The following ADGRB3 variants were observed in gnomAD, a reference collection of about 807,000 sequenced individuals.
The protein encoded by ADGRB3 is brain-specific angiogenesis inhibitor 3.
In ADGRB3, 37 loss-of-function variants were observed where a neutral mutation model predicts 193.4. The ratio of observed to expected loss-of-function variants is 0.19; its 90% CI spans 0.15 to 0.25. The LOEUF (loss-of-function observed/expected upper bound fraction) is 0.25, where lower values mean the gene tolerates loss of function less well. ADGRB3 is among the 10% of genes least tolerant of loss of function. ADGRB3 has a pLI of 1.00. For synonymous variants in ADGRB3, 690 were observed against 644.2 expected, an observed-to-expected ratio of 1.07 and a Z score of -1.08; for missense variants, 1,637 against 1,852.9, an observed-to-expected ratio of 0.88 and a Z score of 2.14.
At chr6:68,870,013 A>C (rs1361172527) in intron 3 of ADGRB3, among the ~76,000 whole-genome samples, 1 of 152,188 alleles carries the variant, frequency 6.6e-6, no homozygotes, top group Non-Finnish European at 1.5e-5. Context: ...TCTTGATCTC[A>C]AGTAGTCCGC....
intron 1 of ADGRB3, among the ~76,000 whole-genome samples, chr6:68,636,878 A>G (rs992690286): frequency 3.4e-5 from 5 of 148,328 alleles, no homozygotes; most frequent in Admixed American, 2.1e-4. Context: ...TTAGACACTT[A>G]TTGTCACATT....
intron 28 of ADGRB3, among the ~76,000 whole-genome samples, chr6:69,357,523 G>A (rs1379790457): frequency 1.3e-5 from 2 of 151,912 alleles, no homozygotes. Context: ...AAACCTAGTA[G>A]AGAAACCTGC....
At chr6:68,855,295 C>T (rs185102963) in intron 3 of ADGRB3, among the ~76,000 whole-genome samples, 1 of 152,182 alleles carries the variant, frequency 6.6e-6, no homozygotes, top group Middle Eastern at 3.4e-3. Flanking sequence ...CAAATATAGC[C>T]TCAAGTTATA....
chr6:69,096,163 T>C (rs1772869856), intron 17 of ADGRB3, among the ~76,000 whole-genome samples: 1 of 152,174 alleles, frequency 6.6e-6, no homozygotes, highest in African/African-American at 2.4e-5. Flanking sequence ...GTCCCTTTAG[T>C]TCATAAATGA....
chr6:68,692,766 T>C (rs1043343016), intron 3 of ADGRB3, among the ~76,000 whole-genome samples: 2 of 151,360 alleles, frequency 1.3e-5, no homozygotes, highest in Non-Finnish European at 3.0e-5. Context: ...TCTTCATCTG[T>C]AAAATTGAAT....
chr6:69,081,339 A>G (rs541755278), intron 17 of ADGRB3, among the ~76,000 whole-genome samples: 3 of 152,154 alleles, frequency 2.0e-5, no homozygotes, highest in African/African-American at 7.2e-5. Flanking sequence ...TCTCCAAAAA[A>G]TGAAATTTAT....
chr6:68,872,156 C>T (rs1269297063), intron 3 of ADGRB3, among the ~76,000 whole-genome samples: 1 of 152,036 alleles, frequency 6.6e-6, no homozygotes, highest in African/African-American at 2.4e-5. Context: ...ACCATAATTC[C>T]AAATATTGTA....
chr6:68,813,803 A>G (rs1046791665), intron 3 of ADGRB3, among the ~76,000 whole-genome samples: 18 of 152,056 alleles, frequency 1.2e-4, no homozygotes, highest in Admixed American at 4.6e-4. Context: ...GAGAACATGC[A>G]GTGTTTGGTT....
At position 68,749,397 on chromosome 6, in the gene ADGRB3, T is replaced by G. The variant is rs188300905; in HGVS notation, c.757+109965T>G. 7.6e-4 allele frequency among the ~76,000 whole-genome samples: 88 copies of G among 115,812 alleles called. 1 individual carries two copies. In the East Asian group the frequency reaches 0.019, roughly 25 times the overall value. 76.0% of individuals were successfully genotyped at this position (115,812 alleles called of 152,430 possible). On this transcript the variant is annotated intron_variant, in intron 3 of 31. Transcript: ENST00000370598. ...TTAATACTTAATAAACTCCCCTTTA[T>G]ATATATATATATGTGTGTGTGTGTG...
chr6:69,189,137 G>A (rs1765132027), intron 17 of ADGRB3, among the ~76,000 whole-genome samples: 1 of 152,066 alleles, frequency 6.6e-6, no homozygotes, highest in South Asian at 2.1e-4. Context: ...AAATGAAAAC[G>A]AAACTGAAGT....
chr6:69,350,412 C>A (rs1391777910), intron 26 of ADGRB3, among the ~76,000 whole-genome samples: 5 of 151,846 alleles, frequency 3.3e-5, no homozygotes, highest in Non-Finnish European at 7.4e-5. Context: ...GACCCTCTGC[C>A]TATCAATTCA....
chr6:68,795,819 T>C (rs998451315), intron 3 of ADGRB3, among the ~76,000 whole-genome samples: 1 of 152,170 alleles, frequency 6.6e-6, no homozygotes, highest in African/African-American at 2.4e-5. Flanking sequence ...CACAATTTCT[T>C]AATAATTATT....
Position 69,235,098 on chromosome 6 carries a change from T to C in ADGRB3, c.2674T>C (p.Leu892=). 1 of 1,612,822 alleles carries C rather than the reference T, an allele frequency of 6.2e-7. No individual in the cohort carries two copies. The highest frequency in any genetic ancestry group is 8.5e-7 in the Non-Finnish European group (1 of 1,178,920). ...AGGCAGTGGTCTTTCTTGCTTGGCC[T>C]TGATTACCCTAGCAGTTGTCTATGC... The part of the protein sequence containing the change: ...IVGSGLSCLA[L]ITLAVVYAAL... The change falls in exon 19 of 32, where the codon TTG becomes CTG. Residue 892 remains leucine, a synonymous_variant. Transcript: ENST00000370598.
At chr6:68,882,780 G>A (rs1765767862) in intron 3 of ADGRB3, among the ~76,000 whole-genome samples, 1 of 151,996 alleles carries the variant, frequency 6.6e-6, no homozygotes, top group African/African-American at 2.4e-5. Context: ...CACCTAAAAA[G>A]CCCTTCTGAA....
At chr6:69,005,251 G>A (rs1308243285) in intron 11 of ADGRB3, among the ~76,000 whole-genome samples, 4 of 151,278 alleles carry the variant, frequency 2.6e-5, no homozygotes, top group Non-Finnish European at 5.9e-5. Flanking sequence ...ACTAAAGATT[G>A]GATGACTTAT....
chr6:69,041,420 A>C (rs1236185828), intron 13 of ADGRB3, among the ~76,000 whole-genome samples: 2 of 152,138 alleles, frequency 1.3e-5, no homozygotes, highest in African/African-American at 4.8e-5. Context: ...ATAAGTGAGA[A>C]TTTTATTTCT....
At chr6:68,783,446 A>G (rs1766899711) in intron 3 of ADGRB3, among the ~76,000 whole-genome samples, 2 of 151,548 alleles carry the variant, frequency 1.3e-5, no homozygotes, top group Admixed American at 1.3e-4. Flanking sequence ...AGGGGAAACT[A>G]TAGAAGAGAC....
intron 17 of ADGRB3, among the ~76,000 whole-genome samples, chr6:69,140,147 A>T (rs567693863): frequency 6.6e-6 from 1 of 152,338 alleles, no homozygotes; most frequent in East Asian, 1.9e-4. Context: ...AAATTCTAAG[A>T]TTAATAGCAA....
At chr6:69,074,557 T>C (rs1479975207) in intron 16 of ADGRB3, among the ~76,000 whole-genome samples, 1 of 150,364 alleles carries the variant, frequency 6.7e-6, no homozygotes, top group Non-Finnish European at 1.5e-5. Flanking sequence ...TTTTTTTTTT[T>C]TGAGACAGAG....
Sources: gnomAD v4.1 joint callset for allele counts (sites outside exome capture counted in the v4.1 genomes callset) on GRCh38, gnomAD v4.1.1 for gene constraint, MANE v1.5 for transcripts, NCBI Gene and HGNC (gene_info 2026-07-23, HGNC 2026-07-21) for gene names.